The following NOTCH2 variants were observed in gnomAD, a reference collection of about 807,000 sequenced individuals.
NOTCH2 encodes the protein notch receptor 2, also known as neurogenic locus notch homolog protein 2.
Under a neutral mutation model 235.8 loss-of-function variants are expected in NOTCH2, and 29 were observed. That is an observed-to-expected ratio of 0.12 (90% CI 0.09 to 0.17). The LOEUF is 0.17. Among genes scored for constraint, NOTCH2 ranks in the 10% least tolerant of loss-of-function variants. The pLI is 1.00. For synonymous variants in NOTCH2, 1,086 were observed against 1,141.5 expected (o/e 0.95, Z 0.98); for missense variants, 2,285 against 3,150.2 (o/e 0.73, Z 6.57).
intron 2 of NOTCH2, among the ~76,000 whole-genome samples, chr1:120,015,054 A>G (rs1388959728): frequency 2.0e-5 from 3 of 151,560 alleles, no homozygotes; most frequent in Admixed American, 2.0e-4. Context: ...CAACAACAAC[A>G]AAGCAAAATC....
chr1:120,030,186 T>C (rs1654038985), intron 1 of NOTCH2, among the ~76,000 whole-genome samples, 199 bp from the exon 2 acceptor site: 1 of 152,180 alleles, frequency 6.6e-6, no homozygotes, highest in African/African-American at 2.4e-5. Context: ...TAACCACGTT[T>C]GTGGTCTTGA....
At position 119,922,681 on chromosome 1, in the gene NOTCH2, G is replaced by A. The variant is rs1649329396; in HGVS notation, c.4957C>T (p.His1653Tyr). 1.9e-6 allele frequency: 3 copies of A among 1,614,178 alleles called. No homozygotes were observed. The highest frequency in any genetic ancestry group is 2.5e-6 in the Non-Finnish European group (3 of 1,180,038). ...TATGACAGGGTCCCCTGTATGGCGT[G>A]AGAGGCCAGGAGAGCTGCTGCTGCA... ...TDAAAALLAS[H>Y]AIQGTLSYPL... The change falls in exon 27 of 34, where the codon CAC (histidine) becomes TAC (tyrosine). Residue 1653 changes from histidine (H) to tyrosine (Y), a missense_variant. Physicochemically the swap from His to Tyr is moderately conservative, Grantham distance 83 (BLOSUM62 2). Transcript: ENST00000256646.
intron 31 of NOTCH2, 71 bp from the exon 32 acceptor site, chr1:119,918,624 C>T: frequency 6.6e-7 from 1 of 1,519,384 alleles, no homozygotes; most frequent in Non-Finnish European, 9.1e-7. Flanking sequence ...AGTGAAGAAA[C>T]AAGGGCATCA....
Position 119,959,474 on chromosome 1 carries a change from G to A in NOTCH2, c.1944C>T (p.Asp648=). 3 of 1,607,018 alleles carry A rather than the reference G, an allele frequency of 1.9e-6. No individual in the cohort carries two copies. Among genetic ancestry groups the A allele is most frequent in the Non-Finnish European group, 2.6e-6 (3 of 1,173,578 alleles). Residue 648 remains aspartate (D), a synonymous_variant, in exon 12 of 34, where the codon GAC becomes GAT. Transcript: ENST00000256646. ...SGVNCEINFD[D]CASNPCIHGI... ...CATGGATACAAGGGTTACTTGCACA[G>A]TCATCAAAATTAATTTCACAATTAA...
chr1:119,967,031 T>A (rs1651164976), intron 8 of NOTCH2, among the ~76,000 whole-genome samples: 1 of 152,232 alleles, frequency 6.6e-6, no homozygotes, highest in Admixed American at 6.5e-5. Context: ...AAACATGTAC[T>A]GCACTTTAGA....
chr1:119,919,191 T>C, intron 31 of NOTCH2, 121 bp downstream of exon 31: 1 of 1,114,368 alleles, frequency 9.0e-7, no homozygotes, highest in African/African-American at 1.5e-5. Context: ...ATGACTCTAA[T>C]ACCTGCCCTA....
At chr1:119,934,997 C>T (rs1649795679) in intron 22 of NOTCH2, 1 of 652,896 alleles carries the variant, frequency 1.5e-6, no homozygotes, top group Non-Finnish European at 1.9e-6. Context: ...AAGGTAGAAC[C>T]TTACACCATC....
At chr1:120,023,203 C>T (rs1241910522) in intron 2 of NOTCH2, among the ~76,000 whole-genome samples, 10 of 151,140 alleles carry the variant, frequency 6.6e-5, no homozygotes, top group African/African-American at 1.7e-4. Flanking sequence ...TTTGGGAGGC[C>T]GAGGCGGGCA....
intron 22 of NOTCH2, among the ~76,000 whole-genome samples, chr1:119,933,709 G>A (rs1389760137): frequency 6.6e-6 from 1 of 152,194 alleles, no homozygotes; most frequent in Non-Finnish European, 1.5e-5. Flanking sequence ...GGTTAGAAGA[G>A]ACAAAAATTT....
rs587648656 is a variant in NOTCH2, at chr1:119,975,229, T to A, written c.875-5485A>T. 3.3e-5 allele frequency among the ~76,000 whole-genome samples: 5 copies of A among 151,314 alleles called. No individual in the cohort carries two copies. The South Asian group carries it at 8.4e-4, about 25-fold the overall frequency. The stretch of plus-strand genomic sequence containing the variant: ...CAGAGTGCTACAAGTGAAGATGACA[T>A]GGCATTACCAAGCCACCATTAGCAA... On this transcript the variant is annotated intron_variant, in intron 5 of 33. Coordinates refer to ENST00000256646, the MANE Select transcript of NOTCH2 (RefSeq NM_024408.4).
intron 2 of NOTCH2, among the ~76,000 whole-genome samples, chr1:120,017,533 A>G (rs61787054): frequency 3.3e-5 from 5 of 152,198 alleles, no homozygotes; most frequent in African/African-American, 1.2e-4. Context: ...CAAGGTCAAA[A>G]TGAAGGGCTC....
chr1:120,069,123 G>A, intron 1 of NOTCH2: 7 of 1,525,218 alleles, frequency 4.6e-6, no homozygotes, highest in South Asian at 1.2e-5. Flanking sequence ...GCCGCGGGGA[G>A]CAGAGGCGGC....
intron 6 of NOTCH2, 44 bp downstream of exon 6, chr1:119,969,467 C>T: frequency 6.5e-7 from 1 of 1,543,316 alleles, no homozygotes; most frequent in Non-Finnish European, 8.9e-7. Flanking sequence ...CCTGAATGCC[C>T]CCTGCCCCTT....
chr1:120,047,654 A>C (rs1332945119), intron 1 of NOTCH2, among the ~76,000 whole-genome samples: 8 of 145,506 alleles, frequency 5.5e-5, no homozygotes, highest in East Asian at 2.1e-4. Context: ...ACTGCCCTCC[A>C]GTCTGGGTGA....
rs747645276 is a variant in NOTCH2 at position 119,915,263 on chromosome 1, T to C, written c.*43A>G. On this transcript the variant is annotated 3_prime_UTR_variant, in exon 34 of 34. Coordinates refer to ENST00000256646, the MANE Select transcript of NOTCH2 (RefSeq NM_024408.4). ...GACCTTCATTTGTTCCTCAGCAGCATTTACAAAAGTCAGTTATGTCTCTAC... is the reference window on the plus strand; with the variant it reads ...GACCTTCATTTGTTCCTCAGCAGCACTTACAAAAGTCAGTTATGTCTCTAC... The C allele has an allele frequency of 2.3e-5, 36 of 1,597,146 alleles. No individual in the cohort carries two copies. In the East Asian group the frequency reaches 7.8e-4, roughly 35 times the overall value.
intron 2 of NOTCH2, among the ~76,000 whole-genome samples, chr1:120,006,035 T>TA (rs1457727360): frequency 6.6e-6 from 1 of 151,174 alleles, no homozygotes; most frequent in Non-Finnish European, 1.5e-5. Context: ...AACTTGACCC[T>TA]ATTATCCCCT....
chr1:119,937,784 G>A, intron 20 of NOTCH2, 73 bp downstream of exon 20: 1 of 1,564,282 alleles, frequency 6.4e-7, no homozygotes, highest in South Asian at 1.1e-5. Context: ...ACAAAAAAAT[G>A]ATACCTTCTC....
At position 119,912,015 on chromosome 1, in the gene NOTCH2, C is replaced by T. The variant is rs1275920109; in HGVS notation, c.*3291G>A. 1.3e-5 allele frequency: 3 copies of T among 233,438 alleles called. No individual in the cohort carries two copies. The Admixed American group carries it at 1.7e-4, about 13-fold the overall frequency. The allele number at this position is 233,438 out of a possible 1,614,324, so 14.5% of individuals were successfully genotyped here. On this transcript the variant is annotated 3_prime_UTR_variant, in exon 34 of 34. Transcript: ENST00000256646. ...GACATCATGAGGTAACACTGCCAGG[C>T]CATGGATGCAGTATTGGAAAATAAA...
At position 119,920,397 on chromosome 1, in the gene NOTCH2, C is replaced by T. The variant is rs2101151673; in HGVS notation, c.5311G>A (p.Ala1771Thr). 1 of 1,614,174 alleles carries T rather than the reference C, an allele frequency of 6.2e-7. No individual in the cohort carries two copies. Among genetic ancestry groups the T allele is most frequent in the South Asian group, 1.1e-5 (1 of 91,076 alleles). Residue 1771 changes from alanine to threonine, a missense_variant and splice_region_variant, in exon 30 of 34, where the codon GCT becomes ACT. Ala to Thr is a moderately conservative substitution (Grantham distance 58). Coordinates refer to ENST00000256646, the MANE Select transcript of NOTCH2 (RefSeq NM_024408.4). The part of the protein sequence containing the change: ...DEGPQPKKVK[A>T]EDEALLSEED... ...TCTGAGAGTAAGGCCTCATCTTCAGCCTGAAAGGTGAAAACAATGCTCCCT... is the reference window on the plus strand; with the variant it reads ...TCTGAGAGTAAGGCCTCATCTTCAGTCTGAAAGGTGAAAACAATGCTCCCT...
Sources: allele counts gnomAD v4.1 joint callset (sites outside exome capture counted in the v4.1 genomes callset), GRCh38; gene constraint gnomAD v4.1.1; transcripts MANE v1.5; gene names NCBI Gene and HGNC (gene_info 2026-07-23, HGNC 2026-07-21).